KLHL4: variants seen among roughly 807,000 people sequenced by gnomAD.
KLHL4 encodes the protein kelch-like protein 4.
In KLHL4, 17 loss-of-function variants were observed where a neutral mutation model predicts 45.8. The observed-to-expected ratio is 0.37, with a 90% CI of 0.25 to 0.56. The LOEUF (loss-of-function observed/expected upper bound fraction) is 0.56, where lower values mean the gene tolerates loss of function less well. Among genes scored for constraint, KLHL4 ranks in the 20% least tolerant of loss-of-function variants. The probability of loss-of-function intolerance (pLI) is 0.79; values close to 1 mark genes in which losing one functional copy is unlikely to be tolerated. For synonymous variants in KLHL4, 224 were observed against 189.9 expected, an observed-to-expected ratio of 1.18 and a Z score of -1.47; for missense variants, 544 against 544.9, an observed-to-expected ratio of 1.00 and a Z score of 0.02.
At chrX:87,593,945 A>C (rs1921756721) in intron 1 of KLHL4, among the ~76,000 whole-genome samples, 1 of 112,156 alleles carries the variant, frequency 8.9e-6, no homozygotes, top group Admixed American at 9.5e-5. Context: ...GCATGAATTC[A>C]TTTTATACAG....
intron 1 of KLHL4, among the ~76,000 whole-genome samples, chrX:87,578,156 A>G (rs1202268821): frequency 9.0e-6 from 1 of 111,291 alleles, no homozygotes; most frequent in Non-Finnish European, 1.9e-5. Context: ...AAATGTGCTG[A>G]TAATTTCTGG....
chrX:87,528,592 G>A lies in KLHL4; in HGVS notation c.422+10277G>A, dbSNP rs749946506. 6.0e-4 allele frequency among the ~76,000 whole-genome samples: 64 copies of A among 107,106 alleles called. 1 individual carries two copies. Among genetic ancestry groups the A allele is most frequent in the Middle Eastern group, 4.8e-3 (1 of 208 alleles). 93.0% of individuals were successfully genotyped at this position (107,106 alleles called of 115,157 possible). ...TAGCTCAGCGTGGTGGCACGTGCCT[G>A]TAGTTCCAGCAACTCGAGAGGCTGA... On this transcript the variant is annotated intron_variant, in intron 1 of 10. Coordinates refer to ENST00000373119, the MANE Select transcript of KLHL4 (RefSeq NM_019117.5).
chrX:87,574,682 A>G, intron 1 of KLHL4, among the ~76,000 whole-genome samples: 1 of 111,633 alleles, frequency 9.0e-6, no homozygotes. Context: ...CAGTGTGGGC[A>G]TATGTTTGTG....
chrX:87,585,479 T>G (rs768433476), intron 1 of KLHL4, among the ~76,000 whole-genome samples: 22 of 111,610 alleles, frequency 2.0e-4, no homozygotes, highest in Admixed American at 1.7e-3. Context: ...GGGTAATAGC[T>G]AAAACAGATT....
chrX:87,584,036 A>T (rs779936206), intron 1 of KLHL4, among the ~76,000 whole-genome samples: 2 of 111,201 alleles, frequency 1.8e-5, no homozygotes, highest in Non-Finnish European at 3.8e-5. Context: ...TTTTTGGGAG[A>T]ACAAAAGGAA....
chrX:87,544,295 A>T (rs779125085), intron 1 of KLHL4, among the ~76,000 whole-genome samples: 267 of 111,714 alleles, frequency 2.4e-3, no homozygotes, highest in African/African-American at 8.5e-3. Context: ...GTGCCAGTTC[A>T]GCCACAATAC....
intron 7 of KLHL4, 132 bp from the exon 8 acceptor site, chrX:87,633,617 C>A: frequency 2.3e-6 from 1 of 438,007 alleles, no homozygotes; most frequent in Non-Finnish European, 3.8e-6. Context: ...AGTCAGTAAA[C>A]TATTCATATG....
At position 87,656,283 on chromosome X, in the gene KLHL4, C is replaced by T. The variant is rs893855913; in HGVS notation, c.1926-8481C>T. 5.4e-5 allele frequency among the ~76,000 whole-genome samples: 6 copies of T among 110,813 alleles called. No homozygotes were observed. The Admixed American group carries it at 5.8e-4, about 11-fold the overall frequency. ...TTATTTTCTCAAATAGTTTCCCAGA[C>T]TTTGGGGTTTCTTCTTCTCCCCCAG... is the stretch of plus-strand genomic sequence containing the variant. On this transcript the variant is annotated intron_variant, in intron 9 of 10. Transcript: ENST00000373119.
chrX:87,666,853 G>A lies in KLHL4; in HGVS notation c.*319G>A. On this transcript the variant is annotated 3_prime_UTR_variant, in exon 11 of 11. Transcript: ENST00000373119. Reference sequence around the variant, plus strand: ...AAATTGATGGTGGCCACAGTGTGCAGGTTATAAAAGCATTAATACATTTCA... The same window carrying A: ...AAATTGATGGTGGCCACAGTGTGCAAGTTATAAAAGCATTAATACATTTCA... 1.3e-6 allele frequency: 1 copy of A among 764,660 alleles called. No homozygotes were observed. Among genetic ancestry groups the A allele is most frequent in the Non-Finnish European group, 1.6e-6 (1 of 640,386 alleles). The allele number at this position is 764,660 out of a possible 1,213,427, so 63.0% of individuals were successfully genotyped here. A position where few individuals can be genotyped will look rare whatever the true frequency, so the allele number is the denominator to read the frequency against.
intron 1 of KLHL4, among the ~76,000 whole-genome samples, chrX:87,597,909 CAG>C (rs1196160867): frequency 9.1e-6 from 1 of 109,837 alleles, no homozygotes; most frequent in African/African-American, 3.3e-5. Context: ...ATATTTGGTG[CAG>C]AGAGATCATC....
rs879238810 is a variant in KLHL4, at chrX:87,667,591, TAA to T, written c.*1069_*1070del. On this transcript the variant is annotated 3_prime_UTR_variant, in exon 11 of 11. Transcript: ENST00000373119. ...AAAATGTTAGGATATGTGTGCTATA[TAA>T]AAAAAAAAAAAGACTTGTTAAGTTT... The T allele has an allele frequency of 1.3e-3, 613 of 455,137 alleles. No homozygotes were observed. The highest frequency in any genetic ancestry group is 4.0e-3 in the Middle Eastern group (3 of 754). The allele number at this position is 455,137 out of a possible 1,213,427, so 37.5% of individuals were successfully genotyped here.
At chrX:87,532,249 T>C (rs1282186200) in intron 1 of KLHL4, among the ~76,000 whole-genome samples, 1 of 110,252 alleles carries the variant, frequency 9.1e-6, no homozygotes, top group Non-Finnish European at 1.9e-5. Context: ...GTTGTAGATA[T>C]GCAGCATTAT....
chrX:87,568,078 A>C, intron 1 of KLHL4, among the ~76,000 whole-genome samples: 1 of 111,622 alleles, frequency 9.0e-6, no homozygotes, highest in Non-Finnish European at 1.9e-5. Flanking sequence ...AAATTATACA[A>C]AAAAAGGACA....
At chrX:87,577,241 G>T (rs780033974) in intron 1 of KLHL4, among the ~76,000 whole-genome samples, 3 of 111,473 alleles carry the variant, frequency 2.7e-5, no homozygotes, top group Admixed American at 1.9e-4. Context: ...CATACACGCC[G>T]GTGGCACTTG....
Position 87,622,365 on chromosome X carries a change from G to C in KLHL4, c.1079G>C (p.Arg360Thr). ...MQWVGHDVQN[R>T]QGELGMLLSY... ...TGGGTGGGGCATGATGTGCAGAATA[G>C]GCAAGGAGAACTGGGGATGCTGCTT... The change falls in exon 5 of 11, where the codon AGG becomes ACG. Residue 360 changes from arginine to threonine, a missense_variant. Transcript: ENST00000373119. 8.3e-7 allele frequency: 1 copy of C among 1,209,317 alleles called. No homozygotes were observed. Among genetic ancestry groups the C allele is most frequent in the Non-Finnish European group, 1.1e-6 (1 of 894,077 alleles).
intron 6 of KLHL4, among the ~76,000 whole-genome samples, chrX:87,627,263 T>G (rs1922959383): frequency 9.2e-6 from 1 of 108,469 alleles, no homozygotes. Flanking sequence ...AGAAAGGGAG[T>G]GGAGGAAAGA....
chrX:87,596,211 C>A (rs909329598), intron 1 of KLHL4, among the ~76,000 whole-genome samples: 5 of 111,750 alleles, frequency 4.5e-5, no homozygotes, highest in Admixed American at 9.6e-5. Flanking sequence ...AACTGTGAGA[C>A]AATTAAACCT....
chrX:87,527,106 T>C (rs945828357), intron 1 of KLHL4, among the ~76,000 whole-genome samples: 5 of 112,066 alleles, frequency 4.5e-5, no homozygotes, highest in African/African-American at 1.6e-4. Flanking sequence ...TAGTCTGCAA[T>C]TTTTAGTTAA....
chrX:87,625,661 C>G lies in KLHL4; in HGVS notation c.1189C>G (p.Gln397Glu), dbSNP rs1922901346. The G allele has an allele frequency of 2.5e-6, 3 of 1,206,471 alleles. No individual in the cohort carries two copies. Among genetic ancestry groups the G allele is most frequent in the Non-Finnish European group, 3.4e-6 (3 of 892,967 alleles). The change falls in exon 6 of 11, where the codon CAG becomes GAG. Residue 397 changes from glutamine (Q) to glutamate (E), a missense_variant. Transcript: ENST00000373119. ...SSMFTGDLEC[Q>E]KLLMEAMKYH... The stretch of plus-strand genomic sequence containing the variant: ...CATGTTTACTGGTGATCTTGAGTGT[C>G]AGAAGCTCCTGATGGAAGCTATGAA...
Sources: gnomAD v4.1 joint callset for allele counts (sites outside exome capture counted in the v4.1 genomes callset) on GRCh38, gnomAD v4.1.1 for gene constraint, MANE v1.5 for transcripts, NCBI Gene and HGNC (gene_info 2026-07-23, HGNC 2026-07-21) for gene names.